Variants in DRICH1 observed in about 807,000 individuals in gnomAD.
DRICH1 encodes the protein aspartate rich 1, also known as aspartate-rich protein 1.
DRICH1 carries 38 observed loss-of-function variants against 39.5 expected under a neutral mutation model. That is an observed-to-expected ratio of 0.96 (90% CI 0.74 to 1.26). The LOEUF (loss-of-function observed/expected upper bound fraction) is 1.26, where lower values mean the gene tolerates loss of function less well. DRICH1 is among the 50% of genes most tolerant of loss of function. The pLI is 0.00. For synonymous variants in DRICH1, 84 were observed against 99.5 expected, an observed-to-expected ratio of 0.84 and a Z score of 0.93; for missense variants, 279 against 270.4, an observed-to-expected ratio of 1.03 and a Z score of -0.22.
At chr22:23,598,666 G>T in the DRICH1 span, among the ~76,000 whole-genome samples, 1 of 152,222 alleles carries the variant, frequency 6.6e-6, no homozygotes, top group East Asian at 1.9e-4. Context: ...GGGCTCTGTA[G>T]CCCTGACTCG....
At chr22:23,623,683 AAATAAACTTGG>A (rs1367457763) in intron 3 of DRICH1, among the ~76,000 whole-genome samples, 8 of 152,222 alleles carry the variant, frequency 5.3e-5, no homozygotes, top group Non-Finnish European at 8.8e-5. Context: ...CATTTGCCTC[AAATAAACTTGG>A]TAATGTTGGA....
chr22:23,605,043 C>T (rs532050828), downstream of DRICH1, among the ~76,000 whole-genome samples: 12 of 152,240 alleles, frequency 7.9e-5, no homozygotes, highest in South Asian at 1.0e-3. Context: ...TTGGGCGGGT[C>T]GCCTCACCAC....
intron 8 of DRICH1, among the ~76,000 whole-genome samples, chr22:23,616,294 G>T (rs1000837539): frequency 3.3e-5 from 5 of 152,106 alleles, no homozygotes; most frequent in Admixed American, 3.3e-4. Flanking sequence ...AGGTGTTCTA[G>T]AAAGATCATC....
At chr22:23,593,350 TTGTC>T in the DRICH1 span, among the ~76,000 whole-genome samples, 1 of 152,174 alleles carries the variant, frequency 6.6e-6, no homozygotes, top group African/African-American at 2.4e-5. Context: ...TGAAATTACT[TTGTC>T]TGAGGAGCAA....
At chr22:23,587,885 G>A in the DRICH1 span, among the ~76,000 whole-genome samples, 3 of 152,194 alleles carry the variant, frequency 2.0e-5, no homozygotes, top group African/African-American at 7.2e-5. Flanking sequence ...GTTTTAGCAA[G>A]ATTCCTGCTA....
chr22:23,625,293 G>A (rs1927994058), intron 2 of DRICH1, among the ~76,000 whole-genome samples: 1 of 152,114 alleles, frequency 6.6e-6, no homozygotes, highest in Admixed American at 6.6e-5. Flanking sequence ...TACATAATGT[G>A]TCTTGTTATA....
intron 8 of DRICH1, 60 bp downstream of exon 8, chr22:23,616,793 T>C: frequency 6.2e-7 from 1 of 1,601,238 alleles, no homozygotes; most frequent in South Asian, 1.1e-5. Flanking sequence ...GATTAAGGTT[T>C]CCATATATTA....
At chr22:23,605,648 C>T (rs938461199), downstream of DRICH1, among the ~76,000 whole-genome samples, 1 of 152,122 alleles carries the variant, frequency 6.6e-6, no homozygotes, top group African/African-American at 2.4e-5. Context: ...CCATTCCCAC[C>T]CCTGCCTCCA....
At chr22:23,632,762 T>A (rs1271791241), upstream of DRICH1, 6 of 151,262 alleles carry the variant, frequency 4.0e-5, no homozygotes. Flanking sequence ...AAATACAAAA[T>A]ATTAGCTCGG....
intron 1 of DRICH1, 126 bp downstream of exon 1, chr22:23,631,690 G>T (rs1479745503): frequency 7.0e-5 from 58 of 831,672 alleles, no homozygotes; most frequent in East Asian, 5.6e-4. Context: ...GCCCAGACCT[G>T]GGAAAGCTGG....
chr22:23,584,258 G>T, the DRICH1 span, among the ~76,000 whole-genome samples: 1 of 152,282 alleles, frequency 6.6e-6, no homozygotes, highest in Non-Finnish European at 1.5e-5. Flanking sequence ...AGGGTCCCTG[G>T]TGCCTCTGCA....
At chr22:23,601,138 G>A in the DRICH1 span, among the ~76,000 whole-genome samples, 1 of 140,622 alleles carries the variant, frequency 7.1e-6, no homozygotes, top group Non-Finnish European at 1.5e-5. Flanking sequence ...TTGACCTAAC[G>A]CACGCGCGCA....
At chr22:23,628,425 G>A (rs1928198408) in intron 1 of DRICH1, among the ~76,000 whole-genome samples, 1 of 152,092 alleles carries the variant, frequency 6.6e-6, no homozygotes, top group African/African-American at 2.4e-5. Flanking sequence ...AAATTAGTTG[G>A]GTGCGGTGGC....
chr22:23,612,600 T>C (rs907174939), intron 11 of DRICH1, among the ~76,000 whole-genome samples: 3 of 152,088 alleles, frequency 2.0e-5, no homozygotes, highest in Admixed American at 6.6e-5. Context: ...AACTTTTGGC[T>C]TCCCAAAAAA....
In DRICH1 at chr22:23,608,771, G is replaced by A; in HGVS notation, c.686-3C>T. 1 of 1,560,568 alleles carries A rather than the reference G, an allele frequency of 6.4e-7. No homozygotes were observed. The highest frequency in any genetic ancestry group is 1.2e-5 in the South Asian group (1 of 84,744). On this transcript the variant is annotated splice_polypyrimidine_tract_variant and splice_region_variant and intron_variant, in intron 11 of 11. Coordinates refer to ENST00000317749, the MANE Select transcript of DRICH1 (RefSeq NM_016449.4). ...CAGCTCCACAGAAGGGCTTCACCCT[G>A]GATGAAGAGATAATCCCTTTTTAGT...
At chr22:23,598,994 T>C in the DRICH1 span, among the ~76,000 whole-genome samples, 2 of 152,214 alleles carry the variant, frequency 1.3e-5, no homozygotes, top group Non-Finnish European at 2.9e-5. Context: ...TAGGCCTCAG[T>C]TATCCTACCT....
the DRICH1 span, among the ~76,000 whole-genome samples, chr22:23,598,978 C>G: frequency 6.6e-6 from 1 of 152,238 alleles, no homozygotes; most frequent in Admixed American, 6.5e-5. Flanking sequence ...TGGGATTTAA[C>G]TGCTCTAGGC....
At chr22:23,631,437 A>C (rs1288385254) in intron 1 of DRICH1, among the ~76,000 whole-genome samples, 1 of 151,650 alleles carries the variant, frequency 6.6e-6, no homozygotes, top group Non-Finnish European at 1.5e-5. Flanking sequence ...TAAATAAATA[A>C]ATAAATAATA....
At position 23,610,035 on chromosome 22, in the gene DRICH1, A is replaced by G. The variant is rs555919972; in HGVS notation, c.686-1267T>C. 4.3e-4 allele frequency among the ~76,000 whole-genome samples: 65 copies of G among 151,912 alleles called. 1 individual carries two copies. In the Middle Eastern group the frequency reaches 0.01, roughly 24 times the overall value. ...CGAACCATCTCCTATGCCCGTTCTG[A>G]GGAGCCCTCTGGTTCTGAATCCCTG... On this transcript the variant is annotated intron_variant, in intron 11 of 11. Transcript: ENST00000317749.
Sources: gnomAD v4.1 joint callset for allele counts (sites outside exome capture counted in the v4.1 genomes callset) on GRCh38, gnomAD v4.1.1 for gene constraint, MANE v1.5 for transcripts, NCBI Gene and HGNC (gene_info 2026-07-23, HGNC 2026-07-21) for gene names.